GABRA3: variants seen among roughly 807,000 people sequenced by gnomAD.
GABRA3 encodes gamma-aminobutyric acid receptor subunit alpha-3.
GABRA3 carries 10 observed loss-of-function variants against 30.1 expected under a neutral mutation model. The ratio of observed to expected loss-of-function variants is 0.33; its 90% CI spans 0.20 to 0.56. GABRA3 has a LOEUF of 0.56. GABRA3 is among the 20% of genes least tolerant of loss of function. The pLI is 0.89. For synonymous variants in GABRA3, 151 were observed against 146.8 expected (o/e 1.03, Z -0.21); for missense variants, 233 against 392.0 (o/e 0.59, Z 3.42).
At chrX:152,363,969 G>T (rs1928580848) in intron 2 of GABRA3, among the ~76,000 whole-genome samples, 1 of 111,117 alleles carries the variant, frequency 9.0e-6, no homozygotes, top group Non-Finnish European at 1.9e-5. Flanking sequence ...ATGAAAGGGT[G>T]AGAGGTAAAT....
intron 9 of GABRA3, among the ~76,000 whole-genome samples, chrX:152,182,398 A>G (rs1372898818): frequency 2.1e-5 from 2 of 94,173 alleles, no homozygotes; most frequent in African/African-American, 7.8e-5. Context: ...TATATACACT[A>G]GTATATATAG....
At chrX:152,282,383 C>T (rs2124437599) in intron 4 of GABRA3, among the ~76,000 whole-genome samples, 1 of 110,614 alleles carries the variant, frequency 9.0e-6, no homozygotes, top group South Asian at 3.9e-4. Flanking sequence ...CATCCCTGGC[C>T]CTGGGATCAA....
intron 1 of GABRA3, chrX:152,394,391 C>A (rs763284218): frequency 2.6e-6 from 1 of 383,046 alleles, no homozygotes; most frequent in African/African-American, 2.5e-5. Context: ...GTTCCAGAAG[C>A]AGATGGCAAT....
chrX:152,430,990 C>CT (rs36065391), intron 1 of GABRA3, among the ~76,000 whole-genome samples: 2 of 111,299 alleles, frequency 1.8e-5, no homozygotes, highest in African/African-American at 6.5e-5. Flanking sequence ...ATCCCATAGG[C>CT]TTTTTTTGAA....
chrX:152,289,373 C>A (rs1939355428), intron 3 of GABRA3, among the ~76,000 whole-genome samples: 1 of 109,719 alleles, frequency 9.1e-6, no homozygotes, highest in Non-Finnish European at 1.9e-5. Flanking sequence ...TATTTAAAAG[C>A]TTCAGAGATT....
chrX:152,328,708 T>C (rs1940109461), intron 3 of GABRA3, among the ~76,000 whole-genome samples: 2 of 111,325 alleles, frequency 1.8e-5, no homozygotes, highest in Non-Finnish European at 3.8e-5. Context: ...CTCAAAATAA[T>C]AAGAGCTATT....
At chrX:152,190,382 C>T (rs1381414233) in intron 8 of GABRA3, among the ~76,000 whole-genome samples, 1 of 111,438 alleles carries the variant, frequency 9.0e-6, no homozygotes, top group Admixed American at 9.5e-5. Context: ...CTCTCCAGAA[C>T]AGACCTTCAG....
intron 7 of GABRA3, among the ~76,000 whole-genome samples, chrX:152,202,676 G>A (rs1389720929): frequency 8.9e-6 from 1 of 112,434 alleles, no homozygotes; most frequent in Non-Finnish European, 1.9e-5. Flanking sequence ...TATGATAAAA[G>A]AAGCATCTCA....
At chrX:152,282,312 C>A (rs1280961673) in intron 4 of GABRA3, among the ~76,000 whole-genome samples, 1 of 111,421 alleles carries the variant, frequency 9.0e-6, no homozygotes, top group Non-Finnish European at 1.9e-5. Context: ...TCAGGGGAGC[C>A]TGGGTTCTTG....
chrX:152,403,772 A>C (rs1929855922), intron 1 of GABRA3, among the ~76,000 whole-genome samples: 1 of 110,731 alleles, frequency 9.0e-6, no homozygotes, highest in South Asian at 3.8e-4. Context: ...GCAGAAAGCA[A>C]TGATTAAGAG....
chrX:152,384,889 A>T lies in GABRA3; in HGVS notation c.-26-20293T>A, dbSNP rs181905673. On this transcript the variant is annotated intron_variant, in intron 1 of 9. Transcript: ENST00000370314. ...AAACATTATCCAAAGAATTCCTACAACATCATAAGAAAAAGAGAGAAAATC... is the reference window on the plus strand; with the variant it reads ...AAACATTATCCAAAGAATTCCTACATCATCATAAGAAAAAGAGAGAAAATC... 1.7e-3 allele frequency among the ~76,000 whole-genome samples: 193 copies of T among 111,914 alleles called. 1 individual carries two copies. Among genetic ancestry groups the T allele is most frequent in the African/African-American group, 5.9e-3 (182 of 30,869 alleles).
chrX:152,337,840 A>T (rs760451497), intron 3 of GABRA3, among the ~76,000 whole-genome samples: 4 of 111,485 alleles, frequency 3.6e-5, no homozygotes, highest in Non-Finnish European at 7.5e-5. Flanking sequence ...AAAAACAAAC[A>T]ACAAATAAAA....
intron 1 of GABRA3, among the ~76,000 whole-genome samples, chrX:152,415,885 T>C (rs776518213): frequency 1.8e-5 from 2 of 111,377 alleles, no homozygotes; most frequent in South Asian, 7.5e-4. Context: ...TTACCAATAA[T>C]AAGATAAGAC....
At chrX:152,392,396 G>A (rs5970292) in intron 1 of GABRA3, 176,503 of 319,338 alleles carry the variant, frequency 0.55, 34,949 homozygotes, top group Non-Finnish European at 0.64. Flanking sequence ...AAATCATGGT[G>A]CACAAAATTA....
At chrX:152,274,401 A>AAAAAATGACCACGTGCT (rs945766914) in intron 4 of GABRA3, among the ~76,000 whole-genome samples, 4 of 110,892 alleles carry the variant, frequency 3.6e-5, no homozygotes, top group Non-Finnish European at 7.6e-5. Flanking sequence ...CCCCGACAAA[A>AAAAAATGACCACGTGCT]AAAAATGACC....
intron 1 of GABRA3, among the ~76,000 whole-genome samples, chrX:152,366,788 G>A (rs1189663489): frequency 9.0e-6 from 1 of 111,623 alleles, no homozygotes; most frequent in Non-Finnish European, 1.9e-5. Flanking sequence ...AATGCACACA[G>A]AATATATGTA....
chrX:152,214,102 G>A (rs750528254), intron 6 of GABRA3, among the ~76,000 whole-genome samples: 2 of 110,802 alleles, frequency 1.8e-5, no homozygotes, highest in African/African-American at 6.6e-5. Context: ...GGAATCTCCA[G>A]TGTGTATTAT....
intron 1 of GABRA3, among the ~76,000 whole-genome samples, chrX:152,411,016 A>C (rs1395979917): frequency 1.8e-5 from 2 of 111,839 alleles, no homozygotes; most frequent in Non-Finnish European, 3.8e-5. Context: ...AGAAATTATA[A>C]AAAGGAACGA....
chrX:152,358,620 G>T (rs1940587359), intron 2 of GABRA3, among the ~76,000 whole-genome samples: 1 of 111,276 alleles, frequency 9.0e-6, no homozygotes, highest in Admixed American at 9.6e-5. Context: ...GTCTTGTTCT[G>T]CCTTTCAAGG....
Sources: gnomAD v4.1 joint callset for allele counts (sites outside exome capture counted in the v4.1 genomes callset) on GRCh38, gnomAD v4.1.1 for gene constraint, MANE v1.5 for transcripts, NCBI Gene and HGNC (gene_info 2026-07-23, HGNC 2026-07-21) for gene names.